Variants in FLT1 observed in about 807,000 individuals in gnomAD.
The protein encoded by FLT1 is vascular endothelial growth factor receptor 1.
A neutral mutation model predicts 156.3 loss-of-function variants in FLT1; 49 were observed. The ratio of observed to expected loss-of-function variants is 0.31; its 90% CI spans 0.25 to 0.40. The LOEUF (loss-of-function observed/expected upper bound fraction) is 0.40. Ranked by LOEUF, FLT1 falls within the 10% of genes least tolerant of loss-of-function variation. The pLI, the probability that FLT1 is intolerant of heterozygous loss-of-function variation, is 1.00. For missense variants in FLT1, 1,322 were observed against 1,637.2 expected, an observed-to-expected ratio of 0.81 and a Z score of 3.32; for synonymous variants, 594 against 583.8, an observed-to-expected ratio of 1.02 and a Z score of -0.25.
intron 14 of FLT1, among the ~76,000 whole-genome samples, chr13:28,365,359 C>CTT (rs1032993616): frequency 2.8e-5 from 4 of 145,108 alleles, no homozygotes; most frequent in African/African-American, 5.0e-5. Flanking sequence ...GTAGAACTCC[C>CTT]TTTTTTTTTT....
chr13:28,390,123 G>T lies in FLT1; in HGVS notation c.1661-19C>A. On this transcript the variant is annotated intron_variant, in intron 12 of 29. Transcript: ENST00000282397. ...GGCACATCTATAAAATAAGAATAAA[G>T]AACTTCAGTTCACAGAAAAATCAGT... 1 of 1,608,594 alleles carries T rather than the reference G, an allele frequency of 6.2e-7. No individual in the cohort carries two copies. Among genetic ancestry groups the T allele is most frequent in the African/African-American group, 1.3e-5 (1 of 74,898 alleles).
chr13:28,421,250 A>G (rs541557375), intron 10 of FLT1, among the ~76,000 whole-genome samples: 1 of 152,180 alleles, frequency 6.6e-6, no homozygotes, highest in South Asian at 2.1e-4. Flanking sequence ...TTGAGAGTCC[A>G]TGCATGTCTA....
At chr13:28,431,083 T>C in intron 7 of FLT1, 53 bp downstream of exon 7, 1 of 1,442,986 alleles carries the variant, frequency 6.9e-7, no homozygotes, top group Non-Finnish European at 9.8e-7. Context: ...AACACAGACA[T>C]CTACAATGAT....
intron 10 of FLT1, among the ~76,000 whole-genome samples, 194 bp downstream of exon 10, chr13:28,426,965 G>A (rs1164685725): frequency 6.6e-6 from 1 of 152,138 alleles, no homozygotes; most frequent in East Asian, 1.9e-4. Context: ...TTATGAAATT[G>A]TTAGCCAGTG....
chr13:28,419,447 T>A (rs910721569), intron 10 of FLT1, among the ~76,000 whole-genome samples: 2 of 152,240 alleles, frequency 1.3e-5, no homozygotes, highest in Non-Finnish European at 2.9e-5. Context: ...CTCATTCAAT[T>A]TTTAAAAATC....
chr13:28,396,434 A>C (rs1461586601), intron 12 of FLT1, among the ~76,000 whole-genome samples: 1 of 152,160 alleles, frequency 6.6e-6, no homozygotes, highest in Non-Finnish European at 1.5e-5. Flanking sequence ...CATCATATTT[A>C]AGGCTAAAAA....
chr13:28,479,279 T>C (rs1396178787), intron 1 of FLT1, among the ~76,000 whole-genome samples: 2 of 152,232 alleles, frequency 1.3e-5, no homozygotes, highest in Non-Finnish European at 2.9e-5. Context: ...AACACATTCT[T>C]GATGATTGTG....
chr13:28,417,763 G>A (rs1434344180), intron 10 of FLT1, among the ~76,000 whole-genome samples: 2 of 151,028 alleles, frequency 1.3e-5, no homozygotes, highest in Non-Finnish European at 2.9e-5. Context: ...ACAAGAGCAC[G>A]CCACTGTGCC....
intron 1 of FLT1, among the ~76,000 whole-genome samples, chr13:28,486,363 C>A (rs892698404): frequency 6.6e-6 from 1 of 152,316 alleles, no homozygotes; most frequent in Non-Finnish European, 1.5e-5. Context: ...GGCCACCCTG[C>A]CTCCAACAGA....
chr13:28,392,554 G>A (rs144992788), intron 12 of FLT1, among the ~76,000 whole-genome samples: 3 of 152,266 alleles, frequency 2.0e-5, no homozygotes, highest in African/African-American at 7.2e-5. Flanking sequence ...ACACCATTGA[G>A]ATCGTGTAGA....
intron 18 of FLT1, among the ~76,000 whole-genome samples, chr13:28,329,956 T>C (rs1176209416): frequency 1.3e-5 from 2 of 152,258 alleles, no homozygotes; most frequent in Admixed American, 6.5e-5. Flanking sequence ...GGTTAGTCAC[T>C]GGACATTTCC....
chr13:28,385,761 T>C (rs1874322510), intron 13 of FLT1: 1 of 1,002,606 alleles, frequency 1.0e-6, no homozygotes, highest in African/African-American at 1.7e-5. Context: ...ACCAATATAG[T>C]ACAACAAAAT....
chr13:28,313,410 T>C (rs144662415), intron 25 of FLT1, among the ~76,000 whole-genome samples: 3 of 152,332 alleles, frequency 2.0e-5, no homozygotes, highest in East Asian at 3.9e-4. Flanking sequence ...GCATTAAGAA[T>C]TGATTCTTCT....
chr13:28,475,405 G>A (rs1246830048), intron 1 of FLT1, among the ~76,000 whole-genome samples: 2 of 152,070 alleles, frequency 1.3e-5, no homozygotes, highest in African/African-American at 4.8e-5. Flanking sequence ...AATGATAAAT[G>A]GCCTCTTTAT....
chr13:28,442,360 C>T (rs1878376070), intron 3 of FLT1, among the ~76,000 whole-genome samples: 2 of 152,160 alleles, frequency 1.3e-5, no homozygotes, highest in African/African-American at 4.8e-5. Flanking sequence ...GACACTGGCA[C>T]AAAAAGTTCC....
chr13:28,340,561 G>A (rs979227352), intron 16 of FLT1, among the ~76,000 whole-genome samples: 1 of 152,176 alleles, frequency 6.6e-6, no homozygotes, highest in African/African-American at 2.4e-5. Flanking sequence ...CTCTTGGCCA[G>A]AAGTTATGTA....
chr13:28,415,866 A>G (rs1219189221), intron 10 of FLT1, among the ~76,000 whole-genome samples: 1 of 152,236 alleles, frequency 6.6e-6, no homozygotes, highest in African/African-American at 2.4e-5. Context: ...TTTGGAATAA[A>G]CAGTCAGAGG....
intron 3 of FLT1, among the ~76,000 whole-genome samples, chr13:28,453,502 T>C (rs1879098220): frequency 6.6e-6 from 1 of 152,170 alleles, no homozygotes; most frequent in Non-Finnish European, 1.5e-5. Flanking sequence ...AAGTCTGAAG[T>C]CTTTTGCATG....
At chr13:28,421,557 C>G (rs1877003988) in intron 10 of FLT1, among the ~76,000 whole-genome samples, 1 of 151,312 alleles carries the variant, frequency 6.6e-6, no homozygotes, top group South Asian at 2.1e-4. Flanking sequence ...TTACTGGGCC[C>G]TTATTAACAT....
Sources: allele counts gnomAD v4.1 joint callset (sites outside exome capture counted in the v4.1 genomes callset), GRCh38; gene constraint gnomAD v4.1.1; transcripts MANE v1.5; gene names NCBI Gene and HGNC (gene_info 2026-07-23, HGNC 2026-07-21).